Variants in C10orf67 observed in about 807,000 individuals in gnomAD.
C10orf67 encodes chromosome 10 open reading frame 67.
In C10orf67, 60 loss-of-function variants were observed where a neutral mutation model predicts 35.6. The ratio of observed to expected loss-of-function variants is 1.68; its 90% confidence interval spans 1.37 to 2.09. C10orf67 has a LOEUF of 2.09. Among genes scored for constraint, C10orf67 ranks in the 30% most tolerant of loss-of-function variants. The pLI is 0.00. For synonymous variants in C10orf67, 167 were observed against 115.8 expected, an observed-to-expected ratio of 1.44 and a Z score of -2.84; for missense variants, 474 against 330.2, an observed-to-expected ratio of 1.44 and a Z score of -3.38.
intron 13 of C10orf67, among the ~76,000 whole-genome samples, chr10:23,224,268 G>C (rs1039399712): frequency 6.6e-5 from 10 of 152,234 alleles, no homozygotes; most frequent in Non-Finnish European, 1.5e-4. Context: ...GGGTAAACAG[G>C]GTCTGAAGTA....
chr10:23,286,293 G>A (rs1843523689), intron 7 of C10orf67, among the ~76,000 whole-genome samples: 1 of 147,376 alleles, frequency 6.8e-6, no homozygotes, highest in South Asian at 2.2e-4. Flanking sequence ...AGCTACTCTG[G>A]GAGCTGAGAT....
intron 13 of C10orf67, among the ~76,000 whole-genome samples, chr10:23,224,502 C>G (rs1588587576): frequency 1.3e-5 from 2 of 152,154 alleles, no homozygotes; most frequent in South Asian, 4.1e-4. Flanking sequence ...CAGCTCCTCG[C>G]CAGCAATGGA....
At chr10:23,214,177 T>C (rs1315680427) in intron 15 of C10orf67, among the ~76,000 whole-genome samples, 2 of 151,654 alleles carry the variant, frequency 1.3e-5, no homozygotes, top group African/African-American at 4.8e-5. Flanking sequence ...AACAAAAAAC[T>C]GACAGAATTA....
rs138111716 is a variant in C10orf67 at position 23,267,762 on chromosome 10, C to T, written c.976-508G>A. ...TCTACTGAAAATACAAAAAATTTTC[C>T]GGGCGTGGTGGTGGGCGCCTGTAAT... On this transcript the variant is annotated intron_variant, in intron 8 of 15. Coordinates refer to ENST00000636213, the MANE Select transcript of C10orf67 (RefSeq NM_001371909.1). 3.4e-3 allele frequency among the ~76,000 whole-genome samples: 513 copies of T among 151,260 alleles called. 14 individuals carry two copies. The East Asian group carries it at 0.05, about 15-fold the overall frequency.
chr10:23,294,394 C>A (rs1564494514), intron 5 of C10orf67, among the ~76,000 whole-genome samples: 1 of 152,116 alleles, frequency 6.6e-6, no homozygotes, highest in African/African-American at 2.4e-5. Flanking sequence ...CAGAAACACA[C>A]ACACACACAG....
chr10:23,331,197 A>ACC (rs1564518867), intron 2 of C10orf67, among the ~76,000 whole-genome samples: 2,751 of 26,406 alleles, frequency 0.1, 108 homozygotes, highest in East Asian at 0.33. Flanking sequence ...AGGGAAGGGA[A>ACC]GGGAAGGGAA....
chr10:23,240,056 T>A (rs959531443), intron 12 of C10orf67, among the ~76,000 whole-genome samples: 22 of 151,748 alleles, frequency 1.4e-4, no homozygotes, highest in African/African-American at 4.8e-4. Context: ...GCATGCGTGG[T>A]GGTACATGCC....
intron 8 of C10orf67, among the ~76,000 whole-genome samples, chr10:23,273,041 C>T (rs767476368): frequency 3.3e-5 from 5 of 152,208 alleles, no homozygotes; most frequent in Middle Eastern, 3.4e-3. Flanking sequence ...ATCTTTGCAA[C>T]CTTTCTGCAT....
At chr10:23,289,304 C>T (rs1255958534) in intron 7 of C10orf67, among the ~76,000 whole-genome samples, 1 of 152,152 alleles carries the variant, frequency 6.6e-6, no homozygotes, top group Non-Finnish European at 1.5e-5. Flanking sequence ...GCTGGGACTA[C>T]AGATATGTGC....
At chr10:23,290,230 TG>T (rs1434712067) in intron 6 of C10orf67, among the ~76,000 whole-genome samples, 1 of 152,234 alleles carries the variant, frequency 6.6e-6, no homozygotes, top group African/African-American at 2.4e-5. Flanking sequence ...CGGACATTTT[TG>T]CTGTTGGTCA....
intron 1 of C10orf67, among the ~76,000 whole-genome samples, chr10:23,342,941 G>GT (rs1218002671): frequency 2.0e-5 from 3 of 152,330 alleles, no homozygotes; most frequent in Middle Eastern, 3.4e-3. Flanking sequence ...TTATACAACG[G>GT]TAAGTTCTCC....
At chr10:23,223,719 T>G in intron 14 of C10orf67, 25 bp downstream of exon 14, 2 of 716,594 alleles carry the variant, frequency 2.8e-6, no homozygotes, top group South Asian at 3.0e-5. Context: ...AGTAAATATT[T>G]AATAAAGAAA....
At chr10:23,221,688 AG>A (rs763954892) in intron 15 of C10orf67, among the ~76,000 whole-genome samples, 1 of 152,206 alleles carries the variant, frequency 6.6e-6, no homozygotes, top group Non-Finnish European at 1.5e-5. Context: ...GTGAAATGCA[AG>A]GCATTACCAC....
chr10:23,329,123 G>C (rs1845327565), intron 2 of C10orf67, among the ~76,000 whole-genome samples: 1 of 150,854 alleles, frequency 6.6e-6, no homozygotes, highest in South Asian at 2.1e-4. Flanking sequence ...ATACAATATA[G>C]AGGATTAATA....
chr10:23,212,906 A>G (rs547397785), intron 15 of C10orf67, among the ~76,000 whole-genome samples: 2 of 152,322 alleles, frequency 1.3e-5, no homozygotes, highest in East Asian at 3.9e-4. Context: ...CTATCAGAAC[A>G]TGAATTCACT....
intron 15 of C10orf67, among the ~76,000 whole-genome samples, chr10:23,208,858 TGC>T: frequency 6.6e-6 from 1 of 152,172 alleles, no homozygotes; most frequent in East Asian, 1.9e-4. Flanking sequence ...GCTCTCTTGC[TGC>T]TCTGGAGAAC....
At position 23,291,287 on chromosome 10, in the gene C10orf67, A is replaced by G. The variant is rs1420366615; in HGVS notation, c.703-8T>C. Reference sequence around the variant, plus strand: ...TTCTTTGGCAAAAGATTCCTAAAAGATGGAGAATGCCATATTCCTAAGCAG... The same window carrying G: ...TTCTTTGGCAAAAGATTCCTAAAAGGTGGAGAATGCCATATTCCTAAGCAG... On this transcript the variant is annotated splice_polypyrimidine_tract_variant and splice_region_variant and intron_variant, in intron 5 of 15. Transcript: ENST00000636213. The G allele has an allele frequency of 2.8e-6, 2 of 713,786 alleles. No homozygotes were observed. The highest frequency in any genetic ancestry group is 2.0e-5 in the Admixed American group (1 of 49,478). The allele number at this position is 713,786 out of a possible 1,614,324, so 44.2% of individuals were successfully genotyped here.
intron 15 of C10orf67, among the ~76,000 whole-genome samples, chr10:23,204,982 CG>C (rs1298011460): frequency 6.6e-6 from 1 of 152,168 alleles, no homozygotes; most frequent in East Asian, 1.9e-4. Context: ...TTGCAGCCTG[CG>C]GTCACCGGTA....
chr10:23,225,783 G>A lies in C10orf67; in HGVS notation c.1435-1965C>T, dbSNP rs535390510. 8.5e-5 allele frequency among the ~76,000 whole-genome samples: 13 copies of A among 152,238 alleles called. No homozygotes were observed. In the South Asian group the frequency reaches 1.0e-3, roughly 12 times the overall value. On this transcript the variant is annotated intron_variant, in intron 13 of 15. Coordinates refer to ENST00000636213, the MANE Select transcript of C10orf67 (RefSeq NM_001371909.1). Reference sequence around the variant, plus strand: ...CAAAAAAGACAAAGCAGGCCATTACGTAATGGTAAAGGGATCAATTCAACG... The same window carrying A: ...CAAAAAAGACAAAGCAGGCCATTACATAATGGTAAAGGGATCAATTCAACG...
Sources: gnomAD v4.1 joint callset for allele counts (sites outside exome capture counted in the v4.1 genomes callset) on GRCh38, gnomAD v4.1.1 for gene constraint, MANE v1.5 for transcripts, NCBI Gene and HGNC (gene_info 2026-07-23, HGNC 2026-07-21) for gene names.